The following SYT17 variants were observed in gnomAD, a reference collection of about 807,000 sequenced individuals.
SYT17 encodes the protein synaptotagmin 17.
In SYT17, 22 loss-of-function variants were observed where a neutral mutation model predicts 46.7. The observed-to-expected ratio is 0.47, with a 90% CI of 0.34 to 0.67. The LOEUF (loss-of-function observed/expected upper bound fraction) is 0.67. Among genes scored for constraint, SYT17 ranks in the 30% least tolerant of loss-of-function variants. The probability of loss-of-function intolerance (pLI) is 0.01; values close to 1 mark genes in which losing one functional copy is unlikely to be tolerated. For missense variants in SYT17, 519 were observed against 612.8 expected, an observed-to-expected ratio of 0.85 and a Z score of 1.62; for synonymous variants, 251 against 248.4, an observed-to-expected ratio of 1.01 and a Z score of -0.10.
chr16:19,233,718 G>A (rs1567224666), intron 7 of SYT17, among the ~76,000 whole-genome samples: 1 of 152,054 alleles, frequency 6.6e-6, no homozygotes, highest in Non-Finnish European at 1.5e-5. Flanking sequence ...CAGTGGAGAG[G>A]CAGAGGGTCT....
chr16:19,255,217 T>C (rs1372514153), intron 7 of SYT17, among the ~76,000 whole-genome samples: 1 of 152,136 alleles, frequency 6.6e-6, no homozygotes, highest in Non-Finnish European at 1.5e-5. Context: ...TGGCTTTCCT[T>C]TGGTTGGGAG....
At chr16:19,239,955 C>T (rs1010455370) in intron 7 of SYT17, among the ~76,000 whole-genome samples, 11 of 152,204 alleles carry the variant, frequency 7.2e-5, no homozygotes, top group African/African-American at 1.2e-4. Flanking sequence ...CGGCTCACTG[C>T]GAGGCTGCGG....
chr16:19,221,825 A>G (rs542464073), intron 5 of SYT17, among the ~76,000 whole-genome samples: 1 of 152,206 alleles, frequency 6.6e-6, no homozygotes, highest in Non-Finnish European at 1.5e-5. Flanking sequence ...GATAGATGAG[A>G]CAGTTAGATA....
At position 19,244,905 on chromosome 16, in the gene SYT17, G is replaced by A. The variant is rs553376759; in HGVS notation, c.1228+20067G>A. ...CTACTGGCTGAAACTCTGAAGGAGA[G>A]GCTGGGAAATGTAGTCCAGCTACAC... is the stretch of plus-strand genomic sequence containing the variant. On this transcript the variant is annotated intron_variant, in intron 7 of 7. Coordinates refer to ENST00000355377, the MANE Select transcript of SYT17 (RefSeq NM_016524.4). 6.0e-4 allele frequency among the ~76,000 whole-genome samples: 91 copies of A among 152,330 alleles called. 1 individual carries two copies. The highest frequency in any genetic ancestry group is 2.1e-3 in the African/African-American group (89 of 41,572).
intron 7 of SYT17, among the ~76,000 whole-genome samples, chr16:19,244,559 T>A (rs1967388588): frequency 6.6e-6 from 1 of 152,174 alleles, no homozygotes; most frequent in African/African-American, 2.4e-5. Context: ...GGTCTTGAAC[T>A]CCTGGCCTCA....
chr16:19,248,869 G>A (rs1967796103), intron 7 of SYT17, among the ~76,000 whole-genome samples: 1 of 152,110 alleles, frequency 6.6e-6, no homozygotes, highest in South Asian at 2.1e-4. Flanking sequence ...AAAAAGGAAG[G>A]ACATATTAGT....
At chr16:19,230,136 G>A (rs1230435862) in intron 7 of SYT17, among the ~76,000 whole-genome samples, 1 of 152,154 alleles carries the variant, frequency 6.6e-6, no homozygotes, top group African/African-American at 2.4e-5. Flanking sequence ...GGCCAGGCAT[G>A]GTGGCCTGTT....
rs374179600 is a variant in SYT17, at chr16:19,221,208, AG to A, written c.952-1836del. Among the ~76,000 whole-genome samples the A allele has an allele frequency of 9.5e-5, 13 of 136,258 alleles. No individual in the cohort carries two copies. The East Asian group carries it at 1.8e-3, about 19-fold the overall frequency. The allele number at this position is 136,258 out of a possible 152,430, so 89.4% of individuals were successfully genotyped here. A position where few individuals can be genotyped will look rare whatever the true frequency, so the allele number is the denominator to read the frequency against. On this transcript the variant is annotated intron_variant, in intron 5 of 7. Transcript: ENST00000355377. ...TCTCAAAAAAAAAAAAAAAAAAAAA[AG>A]AGAGAGAGAGAATGAGGAATCTGAC...
intron 7 of SYT17, among the ~76,000 whole-genome samples, chr16:19,252,729 T>A (rs1306439585): frequency 6.6e-6 from 1 of 150,654 alleles, no homozygotes; most frequent in Non-Finnish European, 1.5e-5. Flanking sequence ...AGCCAGTGAA[T>A]CTCAAACCCG....
intron 5 of SYT17, among the ~76,000 whole-genome samples, chr16:19,185,842 G>A (rs1964766387): frequency 6.6e-6 from 1 of 152,216 alleles, no homozygotes; most frequent in Non-Finnish European, 1.5e-5. Context: ...GTCTTCTATT[G>A]TGAACCCATT....
intron 7 of SYT17, among the ~76,000 whole-genome samples, chr16:19,259,960 A>G (rs1455970027): frequency 3.9e-5 from 6 of 152,098 alleles, no homozygotes; most frequent in Non-Finnish European, 7.4e-5. Flanking sequence ...TAAGAGGTAC[A>G]TTGGTTCAGT....
chr16:19,212,380 G>A (rs1965937708), intron 5 of SYT17, among the ~76,000 whole-genome samples: 1 of 152,082 alleles, frequency 6.6e-6, no homozygotes, highest in Non-Finnish European at 1.5e-5. Context: ...CAGCACTTTG[G>A]GAGGCCAAGG....
chr16:19,182,013 A>AG (rs1409412100), intron 4 of SYT17, among the ~76,000 whole-genome samples: 1 of 152,036 alleles, frequency 6.6e-6, no homozygotes, highest in African/African-American at 2.4e-5. Context: ...AAAAAAAAAA[A>AG]AAAGAGAGAG....
intron 7 of SYT17, among the ~76,000 whole-genome samples, chr16:19,240,869 G>A (rs761055074): frequency 6.6e-6 from 1 of 152,168 alleles, no homozygotes; most frequent in Non-Finnish European, 1.5e-5. Context: ...GAGGCATCAG[G>A]GGGCTGTCAT....
Position 19,183,994 on chromosome 16 carries a change from C to T in SYT17, c.798C>T (p.Phe266=), listed in dbSNP as rs748824211. The T allele has an allele frequency of 6.2e-7, 1 of 1,614,152 alleles. No individual in the cohort carries two copies. The highest frequency in any genetic ancestry group is 1.7e-5 in the Admixed American group (1 of 60,024). The change falls in exon 5 of 8, where the codon TTC becomes TTT. Residue 266 remains phenylalanine, a synonymous_variant. Coordinates refer to ENST00000355377, the MANE Select transcript of SYT17 (RefSeq NM_016524.4). The surrounding 1 kb of genome is among the most constrained non-coding windows in gnomAD (Gnocchi z 5.6). ...FEERYTFEIP[F]LEAQRRTLLL... ...AGCGCTACACCTTCGAGATCCCCTT[C>T]CTGGAGGCCCAGAGGAGGACCCTGC...
intron 7 of SYT17, among the ~76,000 whole-genome samples, chr16:19,262,303 A>C (rs1969034843): frequency 6.6e-6 from 1 of 152,128 alleles, no homozygotes; most frequent in Non-Finnish European, 1.5e-5. Context: ...TATAACAGAA[A>C]CCCAAGAGAA....
At chr16:19,264,596 C>CT (rs58368073) in intron 7 of SYT17, among the ~76,000 whole-genome samples, 9,458 of 145,396 alleles carry the variant, frequency 0.065, 1,054 homozygotes, top group African/African-American at 0.22. Flanking sequence ...TTTCCCCCAC[C>CT]TTTTTTTTTT....
At chr16:19,211,599 A>G in intron 5 of SYT17, 1 of 634,416 alleles carries the variant, frequency 1.6e-6, no homozygotes. Context: ...AGCAAGTTCA[A>G]GCCTTGGGGC....
chr16:19,198,346 C>G (rs1345843283), intron 5 of SYT17, among the ~76,000 whole-genome samples: 1 of 152,174 alleles, frequency 6.6e-6, no homozygotes, highest in East Asian at 1.9e-4. Flanking sequence ...CACATGTTTA[C>G]AGTGGTGCCA....
Sources: gnomAD v4.1 joint callset for allele counts (sites outside exome capture counted in the v4.1 genomes callset) on GRCh38, gnomAD v4.1.1 for gene constraint, Gnocchi (gnomAD v3.1) non-coding constraint, MANE v1.5 for transcripts, NCBI Gene and HGNC (gene_info 2026-07-23, HGNC 2026-07-21) for gene names.